RPS6KA2: variants seen among roughly 807,000 people sequenced by gnomAD.
RPS6KA2 encodes ribosomal protein S6 kinase A2, also known as ribosomal protein S6 kinase alpha-2.
A neutral mutation model predicts 91.8 loss-of-function variants in RPS6KA2; 42 were observed. The ratio of observed to expected loss-of-function variants is 0.46; its 90% CI spans 0.36 to 0.59. The LOEUF (loss-of-function observed/expected upper bound fraction) is 0.59, where lower values mean the gene tolerates loss of function less well. RPS6KA2 is among the 20% of genes least tolerant of loss of function. The probability of loss-of-function intolerance (pLI) is 0.00; values close to 1 mark genes in which losing one functional copy is unlikely to be tolerated. For missense variants in RPS6KA2, 798 were observed against 978.5 expected (o/e 0.82, Z 2.46); for synonymous variants, 414 against 393.6 (o/e 1.05, Z -0.61).
In RPS6KA2 at chr6:166,495,309, A is replaced by C. The variant is rs1004227488; in HGVS notation, c.747+3199T>G. Among the ~76,000 whole-genome samples the C allele has an allele frequency of 6.6e-6, 1 of 152,016 alleles. No homozygotes were observed. The highest frequency in any genetic ancestry group is 2.4e-5 in the African/African-American group (1 of 41,286). Reference sequence around the variant, plus strand: ...CCTGCCTCGGGCTCGAGAGTGACACAGCAGTTCTGGAGCCGGACCCCTTCC... The same window carrying C: ...CCTGCCTCGGGCTCGAGAGTGACACCGCAGTTCTGGAGCCGGACCCCTTCC... On this transcript the variant is annotated intron_variant, in intron 8 of 20. Transcript: ENST00000265678. The surrounding 1 kb of genome is among the most constrained non-coding windows in gnomAD (Gnocchi z 4.4).
chr6:166,470,063 C>T (rs1780705865), intron 10 of RPS6KA2, among the ~76,000 whole-genome samples, 158 bp from the exon 11 acceptor site: 1 of 152,202 alleles, frequency 6.6e-6, no homozygotes, highest in Non-Finnish European at 1.5e-5. Context: ...TGCGCACCTG[C>T]CGATGCCCCC....
chr6:166,648,866 C>T lies in RPS6KA2; in HGVS notation c.124-110082G>A, dbSNP rs1431452631. ...TCTGTCTCTCCTCACCCCCCTTATGCATTTCACCCATCACCAAGGCCCATA... is the reference window on the plus strand; with the variant it reads ...TCTGTCTCTCCTCACCCCCCTTATGTATTTCACCCATCACCAAGGCCCATA... On this transcript the variant is annotated intron_variant, in intron 2 of 21. Transcript: ENST00000503859. This position sits in a 1 kb window ranked among gnomAD's most constrained non-coding sequence, Gnocchi z 4.8. Among the ~76,000 whole-genome samples, 3 of 152,138 alleles carry T rather than the reference C, an allele frequency of 2.0e-5. No individual in the cohort carries two copies. The highest frequency in any genetic ancestry group is 6.5e-5 in the Admixed American group (1 of 15,274).
At chr6:166,701,444 G>C (rs769656117) in intron 2 of RPS6KA2, 4 of 1,188,470 alleles carry the variant, frequency 3.4e-6, no homozygotes, top group Non-Finnish European at 2.5e-6. Flanking sequence ...GCCTTGAACC[G>C]AGCCTCTGGT....
At chr6:166,668,209 A>G (rs961287719) in intron 2 of RPS6KA2, among the ~76,000 whole-genome samples, 22 of 152,284 alleles carry the variant, frequency 1.4e-4, no homozygotes, top group African/African-American at 4.8e-4. Flanking sequence ...AAGGAAATGC[A>G]GAGTGAAGAC....
rs1014186701 is a variant in RPS6KA2 at position 166,409,465 on chromosome 6, C to T, written c.*3297G>A. ...AGCGTAATAAATATCTGTACAGTGG[C>T]CACCCATCTCAAACATGAATTACAA... On this transcript the variant is annotated 3_prime_UTR_variant, in exon 21 of 21. Transcript: ENST00000265678. 2 of 152,400 alleles carry T rather than the reference C, an allele frequency of 1.3e-5. No individual in the cohort carries two copies. Among genetic ancestry groups the T allele is most frequent in the Non-Finnish European group, 2.9e-5 (2 of 68,042 alleles). The allele number at this position is 152,400 out of a possible 1,614,324, so 9.4% of individuals were successfully genotyped here. A position where few individuals can be genotyped will look rare whatever the true frequency, so the allele number is the denominator to read the frequency against.
At chr6:166,851,887 T>G (rs1780754549) in intron 2 of RPS6KA2, among the ~76,000 whole-genome samples, 1 of 152,200 alleles carries the variant, frequency 6.6e-6, no homozygotes, top group Admixed American at 6.5e-5. Context: ...AGAGCCAGAC[T>G]TCTTGTCTTT....
chr6:166,569,395 G>A (rs757212569), intron 1 of RPS6KA2, among the ~76,000 whole-genome samples: 2 of 152,204 alleles, frequency 1.3e-5, no homozygotes, highest in Non-Finnish European at 1.5e-5. Context: ...CATTTCATTC[G>A]GCTCCCTTGC....
intron 2 of RPS6KA2, among the ~76,000 whole-genome samples, chr6:166,850,314 A>G (rs1218525645): frequency 2.8e-5 from 4 of 141,444 alleles, no homozygotes; most frequent in Non-Finnish European, 6.1e-5. Flanking sequence ...TATCTATGGG[A>G]GAAAATCCAC....
In RPS6KA2 at chr6:166,423,712, T is replaced by G. The variant is rs1274494382; in HGVS notation, c.1582-295A>C. Among the ~76,000 whole-genome samples the G allele has an allele frequency of 2.0e-5, 3 of 152,252 alleles. No individual in the cohort carries two copies. The stretch of plus-strand genomic sequence containing the variant: ...TCTCCAAGTTGAGGCCGCAGCTTAC[T>G]GGAGCTGTCACATAAAAGGAAATGT... On this transcript the variant is annotated intron_variant, in intron 16 of 20. Coordinates refer to ENST00000265678, the MANE Select transcript of RPS6KA2 (RefSeq NM_021135.6). The surrounding 1 kb of genome is among the most constrained non-coding windows in gnomAD (Gnocchi z 4.8).
intron 3 of RPS6KA2, among the ~76,000 whole-genome samples, chr6:166,517,450 GTTTTGTTT>G (rs1562550711): frequency 8.4e-5 from 7 of 83,786 alleles, no homozygotes; most frequent in African/African-American, 4.0e-4. Flanking sequence ...GCGTTCTTTT[GTTTTGTTT>G]TTTTTTTTTT....
rs191951834 is a variant in RPS6KA2 at position 166,792,021 on chromosome 6, G to A, written c.123+66179C>T. 1.8e-3 allele frequency among the ~76,000 whole-genome samples: 272 copies of A among 151,870 alleles called. 1 individual carries two copies. Among genetic ancestry groups the A allele is most frequent in the African/African-American group, 6.3e-3 (261 of 41,392 alleles). ...GCAAGAAATAACTAAGATCAGAACAGAACTGAAGGAGATCGAGACACAAAA... is the reference window on the plus strand; with the variant it reads ...GCAAGAAATAACTAAGATCAGAACAAAACTGAAGGAGATCGAGACACAAAA... On this transcript the variant is annotated intron_variant, in intron 2 of 21. Coordinates refer to the RPS6KA2 transcript ENST00000503859.
intron 1 of RPS6KA2, among the ~76,000 whole-genome samples, chr6:166,599,727 A>G (rs1785661253): frequency 6.6e-6 from 1 of 152,236 alleles, no homozygotes; most frequent in African/African-American, 2.4e-5. Context: ...GGGAGGGGCC[A>G]GATTAGCAGG....
rs1460783952 is a variant in RPS6KA2 at position 166,434,815 on chromosome 6, G to A, written c.1333-2325C>T. 6.6e-6 allele frequency among the ~76,000 whole-genome samples: 1 copy of A among 152,164 alleles called. No individual in the cohort carries two copies. The highest frequency in any genetic ancestry group is 1.5e-5 in the Non-Finnish European group (1 of 68,034). On this transcript the variant is annotated intron_variant, in intron 14 of 20. Transcript: ENST00000265678. This position sits in a 1 kb window ranked among gnomAD's most constrained non-coding sequence, Gnocchi z 4.4. ...CAAGATACAAGGAGTAAAAAAGGCCGACGCGAGCAGGTGCATCCTACGCCA... is the reference window on the plus strand; with the variant it reads ...CAAGATACAAGGAGTAAAAAAGGCCAACGCGAGCAGGTGCATCCTACGCCA...
At position 166,451,214 on chromosome 6, in the gene RPS6KA2, C is replaced by A; in HGVS notation, c.1095G>T (p.Pro365=). 2 of 1,613,902 alleles carry A rather than the reference C, an allele frequency of 1.2e-6. No individual in the cohort carries two copies. The highest frequency in any genetic ancestry group is 2.2e-5 in the South Asian group (2 of 91,062). The part of the protein sequence containing the change: ...RTPTDSPGVP[P]SANAHHLFRG... ...TAAACAGGTGATGAGCGTTTGCACT[C>A]GGGGGGACGCCAGGAGAGTCTGTAG... Residue 365 remains proline, a synonymous_variant, in exon 13 of 21, where the codon CCG becomes CCT. Transcript: ENST00000265678.
At chr6:166,566,613 G>A (rs898379301) in intron 1 of RPS6KA2, among the ~76,000 whole-genome samples, 7 of 152,186 alleles carry the variant, frequency 4.6e-5, no homozygotes, top group African/African-American at 1.2e-4. Context: ...CTGGGTCTGC[G>A]GAGCCTGTCT....
chr6:166,658,133 C>T (rs771645914), intron 2 of RPS6KA2, among the ~76,000 whole-genome samples: 2 of 152,202 alleles, frequency 1.3e-5, no homozygotes, highest in African/African-American at 2.4e-5. Context: ...TCGCCCACCT[C>T]GGCCTCCCAA....
At chr6:166,577,900 C>T (rs567457155) in intron 1 of RPS6KA2, among the ~76,000 whole-genome samples, 1 of 152,224 alleles carries the variant, frequency 6.6e-6, no homozygotes, top group African/African-American at 2.4e-5. Context: ...GGGAGAGGGA[C>T]CTGATGGGAG....
At chr6:166,605,396 C>G (rs112147568) in intron 1 of RPS6KA2, among the ~76,000 whole-genome samples, 5,249 of 152,144 alleles carry the variant, frequency 0.035, 289 homozygotes, top group African/African-American at 0.12. Context: ...ACGAATGAGA[C>G]TAAATATAGG....
chr6:166,822,862 G>A (rs1779937587), intron 2 of RPS6KA2, among the ~76,000 whole-genome samples: 1 of 152,256 alleles, frequency 6.6e-6, no homozygotes, highest in Non-Finnish European at 1.5e-5. Flanking sequence ...AAGGAGCCAT[G>A]TAAGTGGATT....
Sources: gnomAD v4.1 joint callset for allele counts (sites outside exome capture counted in the v4.1 genomes callset) on GRCh38, gnomAD v4.1.1 for gene constraint, Gnocchi (gnomAD v3.1) non-coding constraint, MANE v1.5 for transcripts, NCBI Gene and HGNC (gene_info 2026-07-23, HGNC 2026-07-21) for gene names.